LOC128462377: variants seen among roughly 807,000 people sequenced by gnomAD.
chr16:89,399,250 T>TA, the LOC128462377 span, among the ~76,000 whole-genome samples: 2 of 152,088 alleles, frequency 1.3e-5, no homozygotes, highest in Non-Finnish European at 2.9e-5. Flanking sequence ...CATTTATCCG[T>TA]AAGAGAAGCC....
the LOC128462377 span, among the ~76,000 whole-genome samples, chr16:89,367,497 G>A: frequency 6.6e-6 from 1 of 152,190 alleles, no homozygotes; most frequent in African/African-American, 2.4e-5. Context: ...GTGTACAGCT[G>A]CCATGGTCAC....
the LOC128462377 span, among the ~76,000 whole-genome samples, chr16:89,388,141 T>C: frequency 2.6e-5 from 4 of 152,118 alleles, no homozygotes; most frequent in African/African-American, 9.6e-5. Flanking sequence ...GCTAACATCA[T>C]ACATAAACAT....
chr16:89,411,272 A>C, the LOC128462377 span, among the ~76,000 whole-genome samples: 5 of 152,324 alleles, frequency 3.3e-5, no homozygotes, highest in Admixed American at 2.0e-4. Context: ...CTTCTCTTTC[A>C]AACTTGCAGC....
the LOC128462377 span, chr16:89,324,840 C>CT: frequency 3.5e-6 from 1 of 286,818 alleles, no homozygotes; most frequent in South Asian, 3.1e-5. Flanking sequence ...GGCTCCTCAG[C>CT]TTGCCAACAG....
chr16:89,367,791 C>G, the LOC128462377 span, among the ~76,000 whole-genome samples: 4 of 152,164 alleles, frequency 2.6e-5, no homozygotes, highest in African/African-American at 9.7e-5. Flanking sequence ...CAAACTATGA[C>G]TTGTTCAAAA....
the LOC128462377 span, among the ~76,000 whole-genome samples, chr16:89,379,586 CT>C: frequency 6.6e-6 from 1 of 152,226 alleles, no homozygotes; most frequent in East Asian, 1.9e-4. Flanking sequence ...TCAAGTGACA[CT>C]TCTGCCTCAG....
At chr16:89,411,201 A>C in the LOC128462377 span, among the ~76,000 whole-genome samples, 1 of 152,230 alleles carries the variant, frequency 6.6e-6, no homozygotes, top group Admixed American at 6.5e-5. Context: ...GGTGCCCTCC[A>C]CCACATCCCC....
the LOC128462377 span, among the ~76,000 whole-genome samples, chr16:89,347,411 C>T: frequency 1.3e-5 from 2 of 152,056 alleles, no homozygotes; most frequent in Non-Finnish European, 2.9e-5. Flanking sequence ...AGATCAAGAC[C>T]ATCCTGGCTA....
chr16:89,344,423 C>T, the LOC128462377 span, among the ~76,000 whole-genome samples: 1 of 152,164 alleles, frequency 6.6e-6, no homozygotes, highest in African/African-American at 2.4e-5. Context: ...CCGTCAGGGC[C>T]AACACGGGCC....
chr16:89,357,078 G>C, the LOC128462377 span, among the ~76,000 whole-genome samples: 2 of 152,346 alleles, frequency 1.3e-5, no homozygotes, highest in African/African-American at 4.8e-5. Context: ...AATAGCCAAA[G>C]GGCAGTGGTG....
chr16:89,355,879 C>T, the LOC128462377 span, among the ~76,000 whole-genome samples: 1 of 152,124 alleles, frequency 6.6e-6, no homozygotes, highest in African/African-American at 2.4e-5. Context: ...AGATAAACAC[C>T]ACAGGAACAG....
the LOC128462377 span, among the ~76,000 whole-genome samples, chr16:89,368,340 G>T: frequency 6.8e-6 from 1 of 147,940 alleles, no homozygotes; most frequent in Non-Finnish European, 1.5e-5. Context: ...GGGATTACAG[G>T]TGCCTGCTGC....
chr16:89,388,283 C>T, the LOC128462377 span, among the ~76,000 whole-genome samples: 1 of 133,480 alleles, frequency 7.5e-6, no homozygotes, highest in South Asian at 2.4e-4. Flanking sequence ...CTCTTCTCTC[C>T]ATGAGGCTGA....
chr16:89,408,486 C>T, the LOC128462377 span, among the ~76,000 whole-genome samples: 1 of 152,232 alleles, frequency 6.6e-6, no homozygotes, highest in Non-Finnish European at 1.5e-5. Flanking sequence ...GTGGCCGACC[C>T]AGATTCCCTC....
chr16:89,365,109 C>G, the LOC128462377 span, among the ~76,000 whole-genome samples: 4 of 152,196 alleles, frequency 2.6e-5, no homozygotes, highest in Admixed American at 6.5e-5. Flanking sequence ...CAAGACTCTC[C>G]TTCCCTTATG....
At chr16:89,402,775 G>C in the LOC128462377 span, among the ~76,000 whole-genome samples, 1 of 143,036 alleles carries the variant, frequency 7.0e-6, no homozygotes, top group African/African-American at 2.6e-5. Context: ...TGAGGGGACA[G>C]CTCTGTGGGA....
the LOC128462377 span, among the ~76,000 whole-genome samples, chr16:89,356,792 A>AG: frequency 6.6e-6 from 1 of 151,214 alleles, no homozygotes; most frequent in Non-Finnish European, 1.5e-5. Flanking sequence ...AAAAAAAAAA[A>AG]AAAGAAAAAA....
the LOC128462377 span, among the ~76,000 whole-genome samples, chr16:89,385,743 G>A: frequency 1.2e-4 from 19 of 152,352 alleles, no homozygotes; most frequent in East Asian, 3.3e-3. Context: ...CCACTTTCAC[G>A]TCTGACGACA....
the LOC128462377 span, among the ~76,000 whole-genome samples, chr16:89,389,921 G>A: frequency 7.2e-5 from 6 of 83,626 alleles, no homozygotes; most frequent in Admixed American, 1.4e-4. Context: ...TCACTGGGGC[G>A]AACACCGAGT....
Sources: allele counts gnomAD v4.1 joint callset (sites outside exome capture counted in the v4.1 genomes callset), GRCh38; gene constraint gnomAD v4.1.1; transcripts MANE v1.5.